MCCC1: variants seen among roughly 807,000 people sequenced by gnomAD.
MCCC1 encodes the protein methylcrotonyl-CoA carboxylase subunit 1, also known as methylcrotonoyl-CoA carboxylase subunit alpha, mitochondrial.
MCCC1 carries 64 observed loss-of-function variants against 83.8 expected under a neutral mutation model. The observed-to-expected ratio is 0.76, with a 90% CI of 0.62 to 0.94. The LOEUF (loss-of-function observed/expected upper bound fraction) is 0.94. MCCC1 is among the 40% of genes least tolerant of loss of function. The pLI is 0.00. For missense variants in MCCC1, 807 were observed against 904.7 expected (o/e 0.89, Z 1.39); for synonymous variants, 322 against 315.4 (o/e 1.02, Z -0.22).
chr3:183,060,937 A>G (rs551986011), intron 7 of MCCC1, among the ~76,000 whole-genome samples: 1 of 152,270 alleles, frequency 6.6e-6, no homozygotes, highest in East Asian at 1.9e-4. Flanking sequence ...GCATCTATTA[A>G]TATTACGTAG....
intron 7 of MCCC1, among the ~76,000 whole-genome samples, chr3:183,063,261 C>T (rs1380212200): frequency 2.6e-5 from 4 of 152,136 alleles, no homozygotes; most frequent in South Asian, 4.2e-4. Context: ...TGATTACAGG[C>T]GTGAGCCACT....
intron 7 of MCCC1, among the ~76,000 whole-genome samples, chr3:183,068,642 C>T (rs1307905583): frequency 6.6e-6 from 1 of 152,210 alleles, no homozygotes; most frequent in Non-Finnish European, 1.5e-5. Flanking sequence ...AATAGAGTCA[C>T]ACAATGTGCC....
At chr3:183,076,646 T>A (rs1200248939) in intron 4 of MCCC1, among the ~76,000 whole-genome samples, 1 of 152,196 alleles carries the variant, frequency 6.6e-6, no homozygotes, top group Non-Finnish European at 1.5e-5. Context: ...TGTATCCATA[T>A]CCCTGCCCAC....
chr3:183,085,343 G>A (rs1286918841), intron 4 of MCCC1, among the ~76,000 whole-genome samples: 1 of 152,056 alleles, frequency 6.6e-6, no homozygotes, highest in Non-Finnish European at 1.5e-5. Context: ...TGGCTACTCA[G>A]AATGAAATAC....
At chr3:183,052,462 T>C (rs1715051365) in intron 8 of MCCC1, among the ~76,000 whole-genome samples, 2 of 152,088 alleles carry the variant, frequency 1.3e-5, no homozygotes, top group Admixed American at 1.3e-4. Flanking sequence ...TACTCATGTG[T>C]TTTGTGGTGA....
chr3:183,115,172 T>C (rs1234780727), intron 1 of MCCC1, among the ~76,000 whole-genome samples: 1 of 152,126 alleles, frequency 6.6e-6, no homozygotes, highest in Non-Finnish European at 1.5e-5. Flanking sequence ...AAAACAATCC[T>C]CTAGCATGTC....
chr3:183,020,255 A>G lies in MCCC1; in HGVS notation c.1870-18T>C, dbSNP rs776901386. The G allele has an allele frequency of 8.9e-6, 14 of 1,571,168 alleles. No homozygotes were observed. Among genetic ancestry groups the G allele is most frequent in the Admixed American group, 8.4e-5 (5 of 59,868 alleles). ...CTTCCTTCCTAGAAACAGAAAACAAACTGAAAACCGAATCAACATCCTATC... is the reference window on the plus strand; with the variant it reads ...CTTCCTTCCTAGAAACAGAAAACAAGCTGAAAACCGAATCAACATCCTATC... On this transcript the variant is annotated intron_variant, in intron 16 of 18. Transcript: ENST00000265594.
chr3:183,038,923 T>C (rs913373392), intron 12 of MCCC1, 103 bp downstream of exon 12: 26 of 1,051,980 alleles, frequency 2.5e-5, no homozygotes, highest in African/African-American at 2.2e-4. Flanking sequence ...TTGATGGAAA[T>C]AGAAAATATG....
chr3:183,031,389 G>C (rs911804468), intron 14 of MCCC1, among the ~76,000 whole-genome samples: 1 of 150,018 alleles, frequency 6.7e-6, no homozygotes, highest in African/African-American at 2.4e-5. Flanking sequence ...TAGTAGCAAA[G>C]TAAGAATAGC....
intron 1 of MCCC1, among the ~76,000 whole-genome samples, chr3:183,110,393 A>ATT (rs57833543): frequency 1.6e-4 from 21 of 129,572 alleles, no homozygotes; most frequent in African/African-American, 2.6e-4. Flanking sequence ...TTTAGTCACA[A>ATT]TTTTTTTTTT....
At chr3:183,089,416 G>A (rs957144278) in intron 3 of MCCC1, among the ~76,000 whole-genome samples, 15 of 152,038 alleles carry the variant, frequency 9.9e-5, no homozygotes, top group Non-Finnish European at 1.9e-4. Context: ...TAATCCCAGC[G>A]CTTTGGGACA....
chr3:183,080,604 C>T (rs1717417728), intron 4 of MCCC1, among the ~76,000 whole-genome samples: 1 of 152,216 alleles, frequency 6.6e-6, no homozygotes. Flanking sequence ...CAAACTGTTC[C>T]AACCTCTGCC....
intron 1 of MCCC1, among the ~76,000 whole-genome samples, chr3:183,095,215 A>G (rs1463745278): frequency 3.3e-5 from 5 of 151,978 alleles, no homozygotes; most frequent in Admixed American, 2.6e-4. Flanking sequence ...CCCAGGAGGC[A>G]GAGCTTGCAG....
chr3:183,030,222 C>T (rs144379737), intron 14 of MCCC1, among the ~76,000 whole-genome samples: 4,540 of 152,204 alleles, frequency 0.03, 240 homozygotes, highest in African/African-American at 0.1. Flanking sequence ...GCAGGAGAAT[C>T]GCTTGAACCC....
chr3:183,045,170 T>A (rs1456305671), intron 10 of MCCC1, among the ~76,000 whole-genome samples: 1 of 150,468 alleles, frequency 6.6e-6, no homozygotes, highest in African/African-American at 2.4e-5. Flanking sequence ...AACCTCTGCC[T>A]CCCAGGCTCA....
upstream of MCCC1, among the ~76,000 whole-genome samples, chr3:183,100,703 G>C (rs906344501): frequency 1.3e-5 from 2 of 152,018 alleles, no homozygotes; most frequent in African/African-American, 4.8e-5. Context: ...CTCATGTCTT[G>C]TAACCCCCCA....
At chr3:183,101,911 C>T (rs1719315571), upstream of MCCC1, among the ~76,000 whole-genome samples, 1 of 152,018 alleles carries the variant, frequency 6.6e-6, no homozygotes, top group South Asian at 2.1e-4. Flanking sequence ...GTAACACTCA[C>T]CGCGAAGGTC....
intron 17 of MCCC1, among the ~76,000 whole-genome samples, chr3:183,019,449 G>A (rs1451147362): frequency 6.6e-6 from 1 of 152,192 alleles, no homozygotes; most frequent in Non-Finnish European, 1.5e-5. Flanking sequence ...AAAGAGGCCT[G>A]AAGAGAGGTC....
At chr3:183,109,312 G>A (rs1204556373) in intron 1 of MCCC1, among the ~76,000 whole-genome samples, 1 of 151,906 alleles carries the variant, frequency 6.6e-6, no homozygotes, top group East Asian at 1.9e-4. Flanking sequence ...TATTTATATG[G>A]GTATATTGCA....
Sources: gnomAD v4.1 joint callset for allele counts (sites outside exome capture counted in the v4.1 genomes callset) on GRCh38, gnomAD v4.1.1 for gene constraint, MANE v1.5 for transcripts, NCBI Gene and HGNC (gene_info 2026-07-23, HGNC 2026-07-21) for gene names.